Variants in CDH4 observed in about 807,000 individuals in gnomAD.
The protein encoded by CDH4 is cadherin 4.
Under a neutral mutation model 86.0 loss-of-function variants are expected in CDH4, and 33 were observed. The ratio of observed to expected loss-of-function variants is 0.38; its 90% CI spans 0.29 to 0.51. The LOEUF (loss-of-function observed/expected upper bound fraction) is 0.51. Ranked by LOEUF, CDH4 falls within the 20% of genes least tolerant of loss-of-function variation. The pLI, the probability that CDH4 is intolerant of heterozygous loss-of-function variation, is 0.86. For synonymous variants in CDH4, 555 were observed against 549.4 expected (o/e 1.01, Z -0.14); for missense variants, 1,114 against 1,307.4 (o/e 0.85, Z 2.28).
intron 4 of CDH4, among the ~76,000 whole-genome samples, chr20:61,791,124 G>A (rs767453424): frequency 1.9e-4 from 29 of 152,232 alleles, no homozygotes; most frequent in Non-Finnish European, 3.8e-4. Flanking sequence ...AAAAAATTGC[G>A]TCATGAGTTG....
chr20:61,275,499 A>G (rs1600825845), intron 2 of CDH4, among the ~76,000 whole-genome samples: 1 of 120,790 alleles, frequency 8.3e-6, no homozygotes. Context: ...AGTTTGGAGT[A>G]CTGTGTGCAG....
At chr20:61,845,941 T>G (rs546888969) in intron 5 of CDH4, among the ~76,000 whole-genome samples, 18 of 152,354 alleles carry the variant, frequency 1.2e-4, no homozygotes, top group African/African-American at 4.3e-4. Flanking sequence ...GGAGGCTGCA[T>G]AGGGGCAGGG....
chr20:61,639,154 G>A (rs1306972239), intron 2 of CDH4, among the ~76,000 whole-genome samples: 6 of 152,246 alleles, frequency 3.9e-5, no homozygotes, highest in Non-Finnish European at 8.8e-5. Flanking sequence ...ACGGTTCTGA[G>A]GTCCGTGCAA....
At chr20:61,890,093 G>GATGGATGGATGGATGGATGGATGC (rs1485594334) in intron 7 of CDH4, among the ~76,000 whole-genome samples, 1 of 148,014 alleles carries the variant, frequency 6.8e-6, no homozygotes, top group African/African-American at 2.5e-5. Flanking sequence ...TGGATGGATG[G>GATGGATGGATGGATGGATGGATGC]ATGGATGCAT....
chr20:61,422,469 C>CAAAAAAAAAAAAAAAAAAA (rs2085185449), intron 2 of CDH4, among the ~76,000 whole-genome samples: 2 of 42,482 alleles, frequency 4.7e-5, no homozygotes, highest in African/African-American at 7.9e-5. Flanking sequence ...AAAAAAAAAC[C>CAAAAAAAAAAAAAAAAAAA]AAATCTCCCC....
intron 5 of CDH4, among the ~76,000 whole-genome samples, chr20:61,851,334 C>G (rs1292156920): frequency 6.6e-6 from 1 of 152,206 alleles, no homozygotes; most frequent in Non-Finnish European, 1.5e-5. Flanking sequence ...AAATTCCACT[C>G]TGGATGGTTG....
At chr20:61,383,462 GAT>G (rs1175810559) in intron 2 of CDH4, among the ~76,000 whole-genome samples, 3 of 6,056 alleles carry the variant, frequency 5.0e-4, no homozygotes, top group African/African-American at 9.8e-4. Flanking sequence ...TATATATGAA[GAT>G]ATATATGAAT....
chr20:61,528,789 C>T (rs1309607855), intron 2 of CDH4, among the ~76,000 whole-genome samples: 3 of 151,014 alleles, frequency 2.0e-5, no homozygotes, highest in Admixed American at 2.0e-4. Context: ...CTGGGCAGTG[C>T]GGGGCCTGGC....
At chr20:61,303,721 G>T (rs1349760292) in intron 2 of CDH4, among the ~76,000 whole-genome samples, 2 of 152,192 alleles carry the variant, frequency 1.3e-5, no homozygotes, top group Non-Finnish European at 2.9e-5. Flanking sequence ...GGAGGAGGAG[G>T]TAGGAGCTGG....
chr20:61,902,702 G>A lies in CDH4; in HGVS notation c.1188+7655G>A, dbSNP rs1212931232. 6.6e-6 allele frequency among the ~76,000 whole-genome samples: 1 copy of A among 152,196 alleles called. No homozygotes were observed. The highest frequency in any genetic ancestry group is 1.9e-4 in the East Asian group (1 of 5,202). On this transcript the variant is annotated intron_variant, in intron 8 of 15. Transcript: ENST00000614565. This position sits in a 1 kb window ranked among gnomAD's most constrained non-coding sequence, Gnocchi z 4.6. ...TTATTTACAAAAACAAAAAGATTCA[G>A]GCCACAGGCTTGTTGTCGAGCCCTG...
At chr20:61,330,058 G>A (rs1172544434) in intron 2 of CDH4, among the ~76,000 whole-genome samples, 1 of 152,108 alleles carries the variant, frequency 6.6e-6, no homozygotes, top group East Asian at 1.9e-4. Flanking sequence ...TGGTGTATAT[G>A]TACCACATTT....
At chr20:61,889,969 G>A (rs56651647) in intron 7 of CDH4, among the ~76,000 whole-genome samples, 135,158 of 150,494 alleles carry the variant, frequency 0.9, 61,215 homozygotes, top group Non-Finnish European at 0.93. Flanking sequence ...ATGGATGGAT[G>A]GATGATGGGT....
intron 2 of CDH4, among the ~76,000 whole-genome samples, chr20:61,423,383 C>T (rs1350541866): frequency 6.6e-6 from 1 of 152,178 alleles, no homozygotes; most frequent in Non-Finnish European, 1.5e-5. Flanking sequence ...TCATGTCCCC[C>T]TCATTGCCAA....
chr20:61,329,409 A>G (rs112230935), intron 2 of CDH4, among the ~76,000 whole-genome samples: 2,779 of 112,044 alleles, frequency 0.025, 102 homozygotes, highest in Middle Eastern at 0.068. Context: ...AGTGGATTGC[A>G]GCGTGCGTGG....
intron 2 of CDH4, among the ~76,000 whole-genome samples, chr20:61,367,873 T>C (rs930657475): frequency 1.4e-5 from 2 of 147,684 alleles, no homozygotes; most frequent in Non-Finnish European, 3.0e-5. Flanking sequence ...GGATCTTTTT[T>C]TTTTTTTTTT....
At chr20:61,565,694 G>A (rs1461063184) in intron 2 of CDH4, among the ~76,000 whole-genome samples, 4 of 152,198 alleles carry the variant, frequency 2.6e-5, no homozygotes, top group African/African-American at 9.7e-5. Context: ...GCTCACCCCT[G>A]AGAACAGAGT....
chr20:61,815,037 G>A (rs4925297), intron 4 of CDH4, among the ~76,000 whole-genome samples: 60,392 of 152,024 alleles, frequency 0.4, 12,523 homozygotes, highest in Non-Finnish European at 0.46. Context: ...CTGGCTTTCC[G>A]GGAACCCTGG....
intron 2 of CDH4, among the ~76,000 whole-genome samples, chr20:61,635,075 G>A (rs1008390781): frequency 2.6e-5 from 4 of 152,202 alleles, no homozygotes; most frequent in African/African-American, 9.6e-5. Flanking sequence ...CCACATTTTG[G>A]TGATGTGAAC....
rs1016537001 is a variant in CDH4, at chr20:61,460,276, A to G, written c.169+205339A>G. On this transcript the variant is annotated intron_variant, in intron 2 of 15. Transcript: ENST00000614565. The stretch of plus-strand genomic sequence containing the variant: ...CCTAAGGAAGGGAAACCTGCAATCA[A>G]TATGAGCAGCTCATCCTGACAGCAG... Among the ~76,000 whole-genome samples, 14 of 152,304 alleles carry G rather than the reference A, an allele frequency of 9.2e-5. 1 individual carries two copies. In the South Asian group the frequency reaches 1.5e-3, roughly 16 times the overall value.
Sources: allele counts gnomAD v4.1 joint callset (sites outside exome capture counted in the v4.1 genomes callset), GRCh38; gene constraint gnomAD v4.1.1; non-coding constraint Gnocchi (gnomAD v3.1); transcripts MANE v1.5; gene names NCBI Gene and HGNC (gene_info 2026-07-23, HGNC 2026-07-21).